LUZP2: variants seen among roughly 807,000 people sequenced by gnomAD.
LUZP2 encodes leucine zipper protein 2.
LUZP2 carries 52 observed loss-of-function variants against 51.6 expected under a neutral mutation model. That is an observed-to-expected ratio of 1.01 (90% CI 0.81 to 1.27). The LOEUF (loss-of-function observed/expected upper bound fraction) is 1.27. Ranked by LOEUF, LUZP2 falls within the 50% of genes most tolerant of loss-of-function variation. The probability of loss-of-function intolerance (pLI) is 0.00; values close to 1 mark genes in which losing one functional copy is unlikely to be tolerated. For missense variants in LUZP2, 436 were observed against 395.4 expected (o/e 1.10, Z -0.87); for synonymous variants, 154 against 137.3 (o/e 1.12, Z -0.85).
intron 7 of LUZP2, among the ~76,000 whole-genome samples, chr11:24,934,096 G>T (rs1854530253): frequency 6.6e-6 from 1 of 152,162 alleles, no homozygotes; most frequent in Admixed American, 6.5e-5. Flanking sequence ...TTGTCACAAA[G>T]TCAGCTGATC....
chr11:24,747,664 A>G (rs965262493), intron 4 of LUZP2, among the ~76,000 whole-genome samples: 24 of 152,084 alleles, frequency 1.6e-4, no homozygotes, highest in Admixed American at 3.9e-4. Flanking sequence ...TGCATAGGGA[A>G]GGACCATCAG....
At chr11:24,506,254 G>C (rs2133763524) in intron 1 of LUZP2, among the ~76,000 whole-genome samples, 1 of 152,146 alleles carries the variant, frequency 6.6e-6, no homozygotes, top group East Asian at 1.9e-4. Flanking sequence ...CCAATCACTA[G>C]CTTTTTCTTT....
At chr11:24,966,247 A>AT (rs1565169659) in intron 7 of LUZP2, among the ~76,000 whole-genome samples, 1 of 151,512 alleles carries the variant, frequency 6.6e-6, no homozygotes, top group Non-Finnish European at 1.5e-5. Flanking sequence ...ACCTAAGTCT[A>AT]TTTAACTTTT....
chr11:24,680,938 T>C (rs1856711825), intron 1 of LUZP2, among the ~76,000 whole-genome samples: 2 of 151,864 alleles, frequency 1.3e-5, no homozygotes, highest in African/African-American at 4.8e-5. Context: ...GAGCTGAACT[T>C]GAACACTCTT....
chr11:24,520,523 T>C (rs976464027), intron 1 of LUZP2, among the ~76,000 whole-genome samples: 7 of 152,224 alleles, frequency 4.6e-5, no homozygotes, highest in Non-Finnish European at 8.8e-5. Flanking sequence ...TAAATTTAAA[T>C]TTCAATAAGT....
chr11:24,733,125 T>G (rs992835758), intron 3 of LUZP2, among the ~76,000 whole-genome samples: 5 of 151,784 alleles, frequency 3.3e-5, no homozygotes, highest in African/African-American at 9.7e-5. Context: ...TTCAAAACTC[T>G]ATTATTGACA....
chr11:24,619,366 C>G (rs1303879311), intron 1 of LUZP2, among the ~76,000 whole-genome samples: 1 of 152,100 alleles, frequency 6.6e-6, no homozygotes, highest in Non-Finnish European at 1.5e-5. Flanking sequence ...ATTTCTTTTA[C>G]ATACATTTGT....
At chr11:24,533,193 G>A (rs937807305) in intron 1 of LUZP2, among the ~76,000 whole-genome samples, 9 of 151,278 alleles carry the variant, frequency 5.9e-5, no homozygotes, top group African/African-American at 2.2e-4. Context: ...CCAAAAGCAA[G>A]ATCTTTCCCT....
chr11:24,742,804 C>G (rs1859232971), intron 4 of LUZP2, among the ~76,000 whole-genome samples: 1 of 152,054 alleles, frequency 6.6e-6, no homozygotes, highest in South Asian at 2.1e-4. Context: ...CCAATGTTAT[C>G]CACTAGAAAT....
chr11:24,554,365 T>C (rs1055755991), intron 1 of LUZP2, among the ~76,000 whole-genome samples: 11 of 152,144 alleles, frequency 7.2e-5, no homozygotes, highest in African/African-American at 2.7e-4. Flanking sequence ...ATGAAAGTAA[T>C]AAAATATTAG....
chr11:24,555,255 C>T (rs1012723325), intron 1 of LUZP2, among the ~76,000 whole-genome samples: 2 of 152,090 alleles, frequency 1.3e-5, no homozygotes, highest in African/African-American at 2.4e-5. Flanking sequence ...GGATTTTCCT[C>T]ATCTGCAGAA....
intron 4 of LUZP2, among the ~76,000 whole-genome samples, chr11:24,741,318 T>G (rs1859131851): frequency 6.6e-6 from 1 of 152,054 alleles, no homozygotes; most frequent in Non-Finnish European, 1.5e-5. Flanking sequence ...GTGATATTTT[T>G]ACTGTTATTA....
At chr11:24,716,951 C>T (rs1174257760) in intron 1 of LUZP2, among the ~76,000 whole-genome samples, 2 of 151,862 alleles carry the variant, frequency 1.3e-5, no homozygotes, top group Admixed American at 1.3e-4. Flanking sequence ...TGAAGAAGTA[C>T]ATGCTTTCAA....
chr11:24,713,683 G>GTCTTTTTTTTT lies in LUZP2; in HGVS notation c.63-15485_63-15484insCTTTTTTTTTT, dbSNP rs1554978134. 2.8e-3 allele frequency among the ~76,000 whole-genome samples: 251 copies of GTCTTTTTTTTT among 89,696 alleles called. 2 individuals carry two copies. The highest frequency in any genetic ancestry group is 0.011 in the African/African-American group (239 of 21,870). The allele number at this position is 89,696 out of a possible 152,430, so 58.8% of individuals were successfully genotyped here. On this transcript the variant is annotated intron_variant, in intron 1 of 11. Coordinates refer to ENST00000336930, the MANE Select transcript of LUZP2 (RefSeq NM_001009909.4). ...ATCCTGGATAACAGAGTGAGAATCTGTTTTTTTTTTTTTTTTTTTTTCTGA... is the reference window on the plus strand; with the variant it reads ...ATCCTGGATAACAGAGTGAGAATCTGTCTTTTTTTTTTTTTTTTTTTTTTTTTTTTTTCTGA...
intron 1 of LUZP2, among the ~76,000 whole-genome samples, chr11:24,553,332 C>A (rs1851773846): frequency 6.6e-6 from 1 of 151,524 alleles, no homozygotes; most frequent in Non-Finnish European, 1.5e-5. Context: ...TAATTTAGAA[C>A]CTACATGGAT....
intron 5 of LUZP2, among the ~76,000 whole-genome samples, chr11:24,890,323 CAGA>C (rs200734554): frequency 0.011 from 1,682 of 152,014 alleles, 32 homozygotes; most frequent in African/African-American, 0.031. Context: ...ACATGACAAA[CAGA>C]AGAAGTACAT....
At chr11:24,711,146 T>C (rs983819131) in intron 1 of LUZP2, among the ~76,000 whole-genome samples, 8 of 152,140 alleles carry the variant, frequency 5.3e-5, no homozygotes, top group African/African-American at 1.9e-4. Context: ...ACAGAAAGCA[T>C]TGCTTTAATA....
intron 10 of LUZP2, among the ~76,000 whole-genome samples, chr11:25,050,616 T>C (rs1220576909): frequency 1.3e-5 from 2 of 152,170 alleles, no homozygotes; most frequent in Admixed American, 1.3e-4. Context: ...AAATGTTCTT[T>C]TGTTATGAAT....
intron 9 of LUZP2, among the ~76,000 whole-genome samples, chr11:25,015,261 G>C (rs1857116342): frequency 6.6e-6 from 1 of 152,118 alleles, no homozygotes; most frequent in South Asian, 2.1e-4. Flanking sequence ...CTTACAAAAT[G>C]TTACGATAGT....
Sources: gnomAD v4.1 joint callset for allele counts (sites outside exome capture counted in the v4.1 genomes callset) on GRCh38, gnomAD v4.1.1 for gene constraint, MANE v1.5 for transcripts, NCBI Gene and HGNC (gene_info 2026-07-23, HGNC 2026-07-21) for gene names.